Variants in BPIFB4 observed in about 807,000 individuals in gnomAD.
The protein encoded by BPIFB4 is BPI fold containing family B member 4.
In BPIFB4, 62 loss-of-function variants were observed where a neutral mutation model predicts 69.2. That is an observed-to-expected ratio of 0.90 (90% confidence interval 0.73 to 1.11). The LOEUF is 1.11. Ranked by LOEUF, BPIFB4 falls within the 50% of genes least tolerant of loss-of-function variation. The pLI is 0.00. For missense variants in BPIFB4, 789 were observed against 792.0 expected (o/e 1.00, Z 0.04); for synonymous variants, 330 against 332.7 (o/e 0.99, Z 0.09).
At chr20:33,100,201 C>T (rs1181008394) in intron 13 of BPIFB4, among the ~76,000 whole-genome samples, 1 of 152,172 alleles carries the variant, frequency 6.6e-6, no homozygotes, top group Non-Finnish European at 1.5e-5. Context: ...ACTTATTATT[C>T]CGAACTCCTT....
At chr20:33,104,409 G>C (rs1981987289) in intron 15 of BPIFB4, among the ~76,000 whole-genome samples, 2 of 152,174 alleles carry the variant, frequency 1.3e-5, no homozygotes, top group Admixed American at 1.3e-4. Flanking sequence ...AGAGGCCCAC[G>C]GAGACTGAGC....
chr20:33,100,549 G>A, intron 14 of BPIFB4, 56 bp downstream of exon 14: 1 of 1,516,978 alleles, frequency 6.6e-7, no homozygotes, highest in Non-Finnish European at 9.1e-7. Flanking sequence ...TCATGGAGGA[G>A]CCACCAGGGA....
At chr20:33,102,357 C>G (rs919143447) in intron 14 of BPIFB4, among the ~76,000 whole-genome samples, 2 of 152,260 alleles carry the variant, frequency 1.3e-5, no homozygotes, top group African/African-American at 4.8e-5. Flanking sequence ...GGTCTGGCCT[C>G]TCTCGGGTAG....
chr20:33,088,690 C>T (rs1488675715), intron 7 of BPIFB4, among the ~76,000 whole-genome samples: 1 of 152,232 alleles, frequency 6.6e-6, no homozygotes, highest in African/African-American at 2.4e-5. Flanking sequence ...AAATCAGCAA[C>T]ATTACAGCCT....
chr20:33,094,709 T>C (rs1240060794), intron 11 of BPIFB4, among the ~76,000 whole-genome samples: 2 of 152,084 alleles, frequency 1.3e-5, no homozygotes, highest in Non-Finnish European at 2.9e-5. Context: ...ATTTTCACCA[T>C]GTTGGCCAGG....
At position 33,090,763 on chromosome 20, in the gene BPIFB4, G is replaced by T. The variant is rs1316025830; in HGVS notation, c.1107G>T (p.Pro369=). 1 of 1,614,144 alleles carries T rather than the reference G, an allele frequency of 6.2e-7. No individual in the cohort carries two copies. The highest frequency in any genetic ancestry group is 1.7e-5 in the Admixed American group (1 of 60,018). ...TCCAGTACACCTTCTCCAGCCTCCCGCTTGTGACCGGGGAATTCCTGGAGC... is the reference window on the plus strand; with the variant it reads ...TCCAGTACACCTTCTCCAGCCTCCCTCTTGTGACCGGGGAATTCCTGGAGC... ...GSVQYTFSSL[P]LVTGEFLELD... Residue 369 remains proline (P), a synonymous_variant, in exon 10 of 18, where the codon CCG becomes CCT. Coordinates refer to ENST00000375483, the MANE Select transcript of BPIFB4 (RefSeq NM_182519.3).
chr20:33,084,462 T>C (rs527375578), intron 5 of BPIFB4, among the ~76,000 whole-genome samples: 9 of 152,318 alleles, frequency 5.9e-5, no homozygotes, highest in African/African-American at 2.2e-4. Flanking sequence ...TAAGAATCTC[T>C]ATAACGGGGC....
intron 10 of BPIFB4, 122 bp downstream of exon 10, chr20:33,090,921 G>A (rs1981582241): frequency 5.0e-6 from 6 of 1,205,848 alleles, no homozygotes; most frequent in Admixed American, 2.3e-5. Flanking sequence ...GGACCCTCTC[G>A]ATTAGAAGAA....
intron 17 of BPIFB4, among the ~76,000 whole-genome samples, chr20:33,110,618 A>G (rs1013844840): frequency 6.6e-6 from 1 of 152,154 alleles, no homozygotes; most frequent in African/African-American, 2.4e-5. Flanking sequence ...GTGTGTGCCT[A>G]ATGGTGATAT....
At chr20:33,083,254 TGGG>T (rs1568999713) in intron 4 of BPIFB4, 110 bp from the exon 5 acceptor site, 7 of 610,428 alleles carry the variant, frequency 1.1e-5, no homozygotes, top group Non-Finnish European at 1.3e-5. Context: ...GTGGCAGTGG[TGGG>T]GGGTTGCTGG....
chr20:33,111,682 C>T lies in BPIFB4; in HGVS notation c.*245C>T, dbSNP rs751423681. The stretch of plus-strand genomic sequence containing the variant: ...AGGGGAGTCACCTTGGGGCTGGAGG[C>T]CTCTCAGACCCCATCCTGACAGCAG... On this transcript the variant is annotated 3_prime_UTR_variant, in exon 18 of 18. Coordinates refer to ENST00000375483, the MANE Select transcript of BPIFB4 (RefSeq NM_182519.3). 7.6e-6 allele frequency: 4 copies of T among 526,612 alleles called. No homozygotes were observed. Among genetic ancestry groups the T allele is most frequent in the Non-Finnish European group, 1.0e-5 (3 of 292,062 alleles). The allele number at this position is 526,612 out of a possible 1,614,324, so 32.6% of individuals were successfully genotyped here. A position where few individuals can be genotyped will look rare whatever the true frequency, so the allele number is the denominator to read the frequency against.
At chr20:33,104,650 G>A (rs1383075129) in intron 15 of BPIFB4, 160 bp from the exon 16 acceptor site, 10 of 613,736 alleles carry the variant, frequency 1.6e-5, no homozygotes, top group Non-Finnish European at 2.5e-5. Context: ...TAAGGCTGCC[G>A]GTGAGAAATT....
At chr20:33,084,497 G>A (rs923665737) in intron 5 of BPIFB4, among the ~76,000 whole-genome samples, 1 of 152,182 alleles carries the variant, frequency 6.6e-6, no homozygotes, top group Non-Finnish European at 1.5e-5. Context: ...GGGAGGTCAA[G>A]GGAGGCTTCC....
chr20:33,092,771 T>C (rs1452714508), intron 11 of BPIFB4, 113 bp downstream of exon 11: 4 of 1,023,000 alleles, frequency 3.9e-6, no homozygotes, highest in African/African-American at 3.1e-5. Flanking sequence ...CTGCAGATGG[T>C]CCACCCCTTG....
At chr20:33,104,652 T>G in intron 15 of BPIFB4, 158 bp from the exon 16 acceptor site, 2 of 616,862 alleles carry the variant, frequency 3.2e-6, no homozygotes, top group Non-Finnish European at 5.6e-6. Context: ...AGGCTGCCGG[T>G]GAGAAATTCT....
chr20:33,097,144 C>G (rs1044814928), intron 12 of BPIFB4, among the ~76,000 whole-genome samples: 18 of 152,276 alleles, frequency 1.2e-4, no homozygotes, highest in African/African-American at 3.8e-4. Flanking sequence ...GCTCTGGGCT[C>G]TGAGCCCACA....
At chr20:33,094,510 C>CTT (rs59777915) in intron 11 of BPIFB4, among the ~76,000 whole-genome samples, 4 of 140,864 alleles carry the variant, frequency 2.8e-5, no homozygotes, top group African/African-American at 1.0e-4. Context: ...TTCTTTCTTT[C>CTT]TTTTTTTTTT....
Position 33,089,564 on chromosome 20 carries a change from T to A in BPIFB4, c.1051+6T>A. 6.2e-7 allele frequency: 1 copy of A among 1,614,172 alleles called. No homozygotes were observed. The highest frequency in any genetic ancestry group is 8.5e-7 in the Non-Finnish European group (1 of 1,180,020). ...CCAGCTGGGCCTCGTGGATTGTAAGTCCAATACACTTTCTCCAGCCTGGGG... is the reference window on the plus strand; with the variant it reads ...CCAGCTGGGCCTCGTGGATTGTAAGACCAATACACTTTCTCCAGCCTGGGG... On this transcript the variant is annotated splice_donor_region_variant and intron_variant, in intron 9 of 17. Coordinates refer to ENST00000375483, the MANE Select transcript of BPIFB4 (RefSeq NM_182519.3).
chr20:33,080,597 A>T (rs1487619107), intron 2 of BPIFB4, 21 bp downstream of exon 2: 1 of 152,262 alleles, frequency 6.6e-6, no homozygotes, highest in African/African-American at 2.4e-5. Flanking sequence ...TTTCCTAAGC[A>T]TTAAGACCCA....
Sources: allele counts gnomAD v4.1 joint callset (sites outside exome capture counted in the v4.1 genomes callset), GRCh38; gene constraint gnomAD v4.1.1; transcripts MANE v1.5; gene names NCBI Gene and HGNC (gene_info 2026-07-23, HGNC 2026-07-21).